Variants in FSTL5 observed in about 807,000 individuals in gnomAD.
FSTL5 encodes the protein follistatin like 5.
In FSTL5, 62 loss-of-function variants were observed where a neutral mutation model predicts 89.1. The ratio of observed to expected loss-of-function variants is 0.70; its 90% confidence interval spans 0.57 to 0.86. FSTL5 has a LOEUF of 0.86. Ranked by LOEUF, FSTL5 falls within the 40% of genes least tolerant of loss-of-function variation. FSTL5 has a pLI of 0.00. For missense variants in FSTL5, 1,057 were observed against 1,001.6 expected (o/e 1.06, Z -0.75); for synonymous variants, 383 against 346.2 (o/e 1.11, Z -1.18).
chr4:162,070,620 A>G (rs904806148), intron 2 of FSTL5, among the ~76,000 whole-genome samples: 3 of 151,936 alleles, frequency 2.0e-5, no homozygotes, highest in Admixed American at 6.6e-5. Context: ...TATTTCTCCA[A>G]TGTATATTCT....
At chr4:161,968,506 T>C (rs1023862266) in intron 3 of FSTL5, among the ~76,000 whole-genome samples, 1 of 152,160 alleles carries the variant, frequency 6.6e-6, no homozygotes, top group African/African-American at 2.4e-5. Context: ...ATATAAAATG[T>C]TATTTTTATC....
chr4:161,641,492 T>G (rs1578988816), intron 7 of FSTL5, among the ~76,000 whole-genome samples: 1 of 150,342 alleles, frequency 6.7e-6, no homozygotes. Flanking sequence ...AATTAGAGGG[T>G]TTTTTTGTTT....
At chr4:162,029,369 C>T (rs1399332841) in intron 3 of FSTL5, among the ~76,000 whole-genome samples, 2 of 152,040 alleles carry the variant, frequency 1.3e-5, no homozygotes, top group South Asian at 2.1e-4. Context: ...ATATATATGA[C>T]ATAATACTTG....
chr4:161,900,638 C>CAAAAAAAAAA (rs58702301), intron 4 of FSTL5, among the ~76,000 whole-genome samples: 7 of 65,302 alleles, frequency 1.1e-4, no homozygotes, highest in African/African-American at 1.3e-4. Flanking sequence ...GACTCCATCT[C>CAAAAAAAAAA]AAAAAAAAAA....
chr4:161,978,336 CAAAAG>C (rs1735722035), intron 3 of FSTL5, among the ~76,000 whole-genome samples: 1 of 151,914 alleles, frequency 6.6e-6, no homozygotes, highest in Non-Finnish European at 1.5e-5. Flanking sequence ...AAAAACAAAA[CAAAAG>C]AAAACAAAAC....
At chr4:161,652,636 A>G (rs1044175383) in intron 7 of FSTL5, among the ~76,000 whole-genome samples, 1 of 152,126 alleles carries the variant, frequency 6.6e-6, no homozygotes, top group African/African-American at 2.4e-5. Flanking sequence ...TTCTGCATTC[A>G]AGAATTAAAT....
intron 3 of FSTL5, among the ~76,000 whole-genome samples, chr4:162,006,326 A>C (rs1190758995): frequency 6.6e-6 from 1 of 151,938 alleles, no homozygotes; most frequent in Non-Finnish European, 1.5e-5. Flanking sequence ...TCACTTGTGG[A>C]TTCAAGAGAA....
chr4:161,980,046 G>GGAAAGAAA (rs34384977), intron 3 of FSTL5, among the ~76,000 whole-genome samples: 7,578 of 132,346 alleles, frequency 0.057, 238 homozygotes, highest in Non-Finnish European at 0.085. Context: ...ACAAAATGAA[G>GGAAAGAAA]GAAAGAAAGA....
At chr4:161,983,487 C>T (rs1305416890) in intron 3 of FSTL5, among the ~76,000 whole-genome samples, 4 of 152,170 alleles carry the variant, frequency 2.6e-5, no homozygotes, top group African/African-American at 9.6e-5. Context: ...GTATTTCCTG[C>T]TAACCCAATA....
chr4:161,387,970 C>T (rs1045573483), intron 15 of FSTL5: 6 of 151,972 alleles, frequency 3.9e-5, no homozygotes, highest in African/African-American at 1.4e-4. Flanking sequence ...ATGCAAGGCA[C>T]TGGGAATATA....
chr4:161,478,875 CT>C (rs1359136017), intron 13 of FSTL5, among the ~76,000 whole-genome samples: 1 of 151,936 alleles, frequency 6.6e-6, no homozygotes, highest in East Asian at 1.9e-4. Flanking sequence ...AAGAATTACC[CT>C]AGCAACAGCT....
At chr4:161,866,465 A>AGTGTGTGTGTGTGTGTGTGTGT (rs70937692) in intron 4 of FSTL5, among the ~76,000 whole-genome samples, 1 of 131,866 alleles carries the variant, frequency 7.6e-6, no homozygotes, top group East Asian at 2.4e-4. Flanking sequence ...TCTAAGCTGT[A>AGTGTGTGTGTGTGTGTGTGTGT]GTGTGTGTGT....
At chr4:161,818,962 A>C (rs560323784) in intron 4 of FSTL5, among the ~76,000 whole-genome samples, 1 of 152,224 alleles carries the variant, frequency 6.6e-6, no homozygotes, top group Non-Finnish European at 1.5e-5. Context: ...TAATAACTTA[A>C]GCCTCACTCT....
At chr4:161,518,423 A>C (rs879874243) in intron 10 of FSTL5, among the ~76,000 whole-genome samples, 1 of 152,202 alleles carries the variant, frequency 6.6e-6, no homozygotes, top group Non-Finnish European at 1.5e-5. Context: ...TTGTGACTTA[A>C]GAAGGTATGA....
chr4:162,095,541 A>T (rs1730717338), intron 2 of FSTL5, among the ~76,000 whole-genome samples: 1 of 152,068 alleles, frequency 6.6e-6, no homozygotes, highest in African/African-American at 2.4e-5. Flanking sequence ...TGTAACAATC[A>T]AAAGAAAAAT....
intron 9 of FSTL5, among the ~76,000 whole-genome samples, chr4:161,541,108 C>G (rs1050095498): frequency 6.6e-6 from 1 of 152,100 alleles, no homozygotes; most frequent in East Asian, 1.9e-4. Context: ...ACTAAAGAAG[C>G]ATCTCATGAA....
intron 3 of FSTL5, among the ~76,000 whole-genome samples, chr4:161,978,010 G>A (rs932086641): frequency 6.6e-6 from 1 of 152,070 alleles, no homozygotes; most frequent in African/African-American, 2.4e-5. Flanking sequence ...TCATTGTACT[G>A]ACAATATCAA....
At chr4:162,013,873 A>C in intron 3 of FSTL5, among the ~76,000 whole-genome samples, 1 of 152,172 alleles carries the variant, frequency 6.6e-6, no homozygotes, top group Admixed American at 6.5e-5. Flanking sequence ...ATATGCCTAC[A>C]AACCTCAAGC....
At chr4:161,491,854 A>G (rs183392601) in intron 12 of FSTL5, among the ~76,000 whole-genome samples, 33 of 150,930 alleles carry the variant, frequency 2.2e-4, no homozygotes, top group African/African-American at 5.1e-4. Context: ...AAAAAAAAAA[A>G]AGAGAGAGAG....
Sources: allele counts gnomAD v4.1 joint callset (sites outside exome capture counted in the v4.1 genomes callset), GRCh38; gene constraint gnomAD v4.1.1; transcripts MANE v1.5; gene names NCBI Gene and HGNC (gene_info 2026-07-23, HGNC 2026-07-21).